Variants in NTRK2 observed in about 807,000 individuals in gnomAD.
NTRK2 encodes neurotrophic receptor tyrosine kinase 2.
Under a neutral mutation model 94.5 loss-of-function variants are expected in NTRK2, and 13 were observed. The ratio of observed to expected loss-of-function variants is 0.14; its 90% CI spans 0.09 to 0.22. NTRK2 has a LOEUF of 0.22. Ranked by LOEUF, NTRK2 falls within the 10% of genes least tolerant of loss-of-function variation. The pLI, the probability that NTRK2 is intolerant of heterozygous loss-of-function variation, is 1.00. For missense variants in NTRK2, 639 were observed against 1,071.2 expected, an observed-to-expected ratio of 0.60 and a Z score of 5.63; for synonymous variants, 372 against 407.4, an observed-to-expected ratio of 0.91 and a Z score of 1.05.
intron 14 of NTRK2, chr9:84,872,109 T>A: frequency 7.6e-7 from 1 of 1,313,866 alleles, no homozygotes; most frequent in South Asian, 1.7e-5. Flanking sequence ...CAACATCAAG[T>A]CTGGAGTTGG....
At chr9:84,696,932 C>G (rs930561682) in intron 2 of NTRK2, among the ~76,000 whole-genome samples, 5 of 152,112 alleles carry the variant, frequency 3.3e-5, no homozygotes, top group Admixed American at 3.3e-4. Flanking sequence ...AAACTGCCCT[C>G]ATAATATGAG....
At chr9:84,672,688 T>C (rs1444953304) in intron 2 of NTRK2, among the ~76,000 whole-genome samples, 1 of 152,180 alleles carries the variant, frequency 6.6e-6, no homozygotes, top group Non-Finnish European at 1.5e-5. Context: ...ACTTTGTTTT[T>C]CTGTTTGATA....
chr9:84,951,545 ATG>A (rs5898876), intron 16 of NTRK2, among the ~76,000 whole-genome samples: 14 of 151,612 alleles, frequency 9.2e-5, no homozygotes, highest in Non-Finnish European at 1.8e-4. Flanking sequence ...ACATACATGA[ATG>A]TGTGTGTGTG....
chr9:84,878,420 A>T (rs2076150873), intron 14 of NTRK2, among the ~76,000 whole-genome samples: 1 of 151,590 alleles, frequency 6.6e-6, no homozygotes, highest in African/African-American at 2.4e-5. Flanking sequence ...CAGATCACGA[A>T]GTCAAGAGAT....
At chr9:84,717,175 A>C (rs1034429122) in intron 6 of NTRK2, among the ~76,000 whole-genome samples, 1 of 152,224 alleles carries the variant, frequency 6.6e-6, no homozygotes, top group African/African-American at 2.4e-5. Flanking sequence ...ATTATAATTT[A>C]CTTGAATACT....
At chr9:84,970,774 T>C (rs890952668) in intron 17 of NTRK2, among the ~76,000 whole-genome samples, 2 of 152,222 alleles carry the variant, frequency 1.3e-5, no homozygotes, top group African/African-American at 4.8e-5. Context: ...TGGATGATCA[T>C]TTGGTATGAT....
At chr9:84,932,334 C>T (rs2078066884) in intron 14 of NTRK2, among the ~76,000 whole-genome samples, 1 of 152,162 alleles carries the variant, frequency 6.6e-6, no homozygotes, top group Non-Finnish European at 1.5e-5. Context: ...TACTGTATAA[C>T]TCCATTTAAT....
intron 14 of NTRK2, among the ~76,000 whole-genome samples, chr9:84,881,329 G>T (rs1009756224): frequency 3.3e-4 from 50 of 152,182 alleles, no homozygotes; most frequent in African/African-American, 1.2e-3. Flanking sequence ...TTAGGCTTAG[G>T]GTATATGTCG....
chr9:84,766,089 G>T (rs1352195923), intron 12 of NTRK2, among the ~76,000 whole-genome samples: 1 of 152,086 alleles, frequency 6.6e-6, no homozygotes, highest in Non-Finnish European at 1.5e-5. Flanking sequence ...GAAATATAGA[G>T]AAATCTACAG....
At chr9:85,009,749 C>A (rs556165135) in intron 17 of NTRK2, among the ~76,000 whole-genome samples, 10 of 152,196 alleles carry the variant, frequency 6.6e-5, no homozygotes, top group African/African-American at 2.4e-4. Flanking sequence ...TTACATATAT[C>A]AGAGATAGCA....
At chr9:84,754,631 G>A (rs903466921) in intron 12 of NTRK2, among the ~76,000 whole-genome samples, 5 of 152,216 alleles carry the variant, frequency 3.3e-5, no homozygotes, top group African/African-American at 1.2e-4. Context: ...CAATGTATTA[G>A]TTGTGGTTTC....
At chr9:84,989,242 A>C (rs547642947) in intron 17 of NTRK2, among the ~76,000 whole-genome samples, 25 of 152,280 alleles carry the variant, frequency 1.6e-4, no homozygotes, top group African/African-American at 5.5e-4. Context: ...TTGAGGCACT[A>C]AATACTTCTC....
intron 16 of NTRK2, among the ~76,000 whole-genome samples, chr9:84,950,135 G>A (rs1312556923): frequency 1.3e-5 from 2 of 152,310 alleles, no homozygotes; most frequent in East Asian, 1.9e-4. Context: ...AGTATAGAAA[G>A]CTCTTAGCGT....
Position 84,955,531 on chromosome 9 carries a change from C to T in NTRK2, c.2172+14C>T, listed in dbSNP as rs376754930. 1.8e-5 allele frequency: 29 copies of T among 1,601,400 alleles called. No individual in the cohort carries two copies. In the African/African-American group the frequency reaches 3.6e-4, roughly 20 times the overall value. ...GACTACTACAGGGTGAGTAGCTGTGCAGATCAGAGACCCCAGGGACCTCTT... is the reference window on the plus strand; with the variant it reads ...GACTACTACAGGGTGAGTAGCTGTGTAGATCAGAGACCCCAGGGACCTCTT... On this transcript the variant is annotated intron_variant, in intron 17 of 18. Coordinates refer to ENST00000277120, the MANE Select transcript of NTRK2 (RefSeq NM_006180.6).
chr9:84,923,798 A>G (rs1488728823), intron 14 of NTRK2, among the ~76,000 whole-genome samples: 1 of 152,016 alleles, frequency 6.6e-6, no homozygotes, highest in Non-Finnish European at 1.5e-5. Context: ...CACCTAAAAA[A>G]TCCCAATTAC....
intron 17 of NTRK2, among the ~76,000 whole-genome samples, chr9:84,956,016 A>G (rs1391255486): frequency 6.6e-6 from 1 of 152,198 alleles, no homozygotes; most frequent in African/African-American, 2.4e-5. Context: ...CCAAGAGTGA[A>G]GTCCTCAGTG....
intron 14 of NTRK2, among the ~76,000 whole-genome samples, chr9:84,901,302 A>C (rs2076922830): frequency 6.6e-6 from 1 of 151,454 alleles, no homozygotes; most frequent in Non-Finnish European, 1.5e-5. Flanking sequence ...GGCTCACTGC[A>C]ACCTCTGCCT....
At chr9:84,695,695 C>T (rs1012842857) in intron 2 of NTRK2, among the ~76,000 whole-genome samples, 8 of 152,224 alleles carry the variant, frequency 5.3e-5, no homozygotes, top group African/African-American at 1.7e-4. Flanking sequence ...AAAGCTTGAG[C>T]TCAATGCCCT....
chr9:85,017,998 C>T (rs1832418324), intron 17 of NTRK2, among the ~76,000 whole-genome samples: 1 of 151,980 alleles, frequency 6.6e-6, no homozygotes, highest in African/African-American at 2.4e-5. Flanking sequence ...TTATTTTTCC[C>T]TTTGATTTCA....
Sources: gnomAD v4.1 joint callset for allele counts (sites outside exome capture counted in the v4.1 genomes callset) on GRCh38, gnomAD v4.1.1 for gene constraint, MANE v1.5 for transcripts, NCBI Gene and HGNC (gene_info 2026-07-23, HGNC 2026-07-21) for gene names.